Variants in EBF1 observed in about 807,000 individuals in gnomAD.
The protein encoded by EBF1 is transcription factor COE1.
EBF1 carries 10 observed loss-of-function variants against 68.4 expected under a neutral mutation model. That is an observed-to-expected ratio of 0.15 (90% CI 0.09 to 0.25). The LOEUF (loss-of-function observed/expected upper bound fraction) is 0.25, where lower values mean the gene tolerates loss of function less well. EBF1 is among the 10% of genes least tolerant of loss of function. EBF1 has a pLI of 1.00. For synonymous variants in EBF1, 298 were observed against 299.8 expected, an observed-to-expected ratio of 0.99 and a Z score of 0.06; for missense variants, 509 against 794.4, an observed-to-expected ratio of 0.64 and a Z score of 4.32.
chr5:159,064,548 T>G (rs959611566), intron 6 of EBF1, among the ~76,000 whole-genome samples: 5 of 152,254 alleles, frequency 3.3e-5, no homozygotes, highest in South Asian at 2.1e-4. Flanking sequence ...ACGCTGGAAG[T>G]GCCATTTAGG....
intron 9 of EBF1, among the ~76,000 whole-genome samples, chr5:158,794,510 A>C (rs1015516013): frequency 1.3e-5 from 2 of 152,166 alleles, no homozygotes; most frequent in African/African-American, 4.8e-5. Flanking sequence ...TCCTTATTCC[A>C]TATTCAATGG....
At chr5:158,919,856 A>G (rs1217513109) in intron 6 of EBF1, among the ~76,000 whole-genome samples, 1 of 152,242 alleles carries the variant, frequency 6.6e-6, no homozygotes, top group Admixed American at 6.5e-5. Flanking sequence ...ATCAAGATTA[A>G]GCAACTTTCC....
intron 6 of EBF1, among the ~76,000 whole-genome samples, chr5:158,915,829 T>C (rs1807079839): frequency 6.6e-6 from 1 of 152,140 alleles, no homozygotes; most frequent in Non-Finnish European, 1.5e-5. Context: ...TAGAAACGGA[T>C]GACAAAACTC....
chr5:158,705,642 A>G (rs1399777423), intron 15 of EBF1, among the ~76,000 whole-genome samples: 1 of 152,242 alleles, frequency 6.6e-6, no homozygotes, highest in African/African-American at 2.4e-5. Flanking sequence ...TTAAACAGGC[A>G]CATACCCTCA....
At chr5:158,739,482 T>C (rs1765857049) in intron 10 of EBF1, among the ~76,000 whole-genome samples, 1 of 152,184 alleles carries the variant, frequency 6.6e-6, no homozygotes, top group Non-Finnish European at 1.5e-5. Context: ...CAAACAGAAG[T>C]TGAATGTACA....
At chr5:158,970,465 C>T (rs184618692) in intron 6 of EBF1, among the ~76,000 whole-genome samples, 1 of 152,234 alleles carries the variant, frequency 6.6e-6, no homozygotes, top group East Asian at 1.9e-4. Flanking sequence ...AGTTTGTTTA[C>T]AGGAAAAGGA....
intron 6 of EBF1, among the ~76,000 whole-genome samples, chr5:159,030,778 G>A (rs566648462): frequency 6.6e-6 from 1 of 152,298 alleles, no homozygotes; most frequent in Admixed American, 6.5e-5. Flanking sequence ...AAGCAAGAGG[G>A]TTCCAATGAA....
In EBF1 at chr5:158,844,323, A is replaced by G. The variant is rs78104246; in HGVS notation, c.555-4213T>C. 8.6e-3 allele frequency among the ~76,000 whole-genome samples: 1,306 copies of G among 152,088 alleles called. 25 individuals carry two copies. Among genetic ancestry groups the G allele is most frequent in the African/African-American group, 0.03 (1,240 of 41,466 alleles). ...ATTATTCAGAGCACTTATATTCCCA[A>G]TATCTCACTAAATCCTCACGGAATT... is the stretch of plus-strand genomic sequence containing the variant. On this transcript the variant is annotated intron_variant, in intron 6 of 15. Coordinates refer to ENST00000313708, the MANE Select transcript of EBF1 (RefSeq NM_024007.5).
chr5:158,930,617 A>G lies in EBF1; in HGVS notation c.555-90507T>C, dbSNP rs376538536. The stretch of plus-strand genomic sequence containing the variant: ...TGGTTCCAGTCTCCCAAACACAAGT[A>G]TGGTTGTATGATGCATTTTAGGAAT... On this transcript the variant is annotated intron_variant, in intron 6 of 15. Transcript: ENST00000313708. Among the ~76,000 whole-genome samples, 280 of 152,358 alleles carry G rather than the reference A, an allele frequency of 1.8e-3. 1 individual carries two copies. Among genetic ancestry groups the G allele is most frequent in the African/African-American group, 6.6e-3 (274 of 41,584 alleles).
intron 6 of EBF1, among the ~76,000 whole-genome samples, chr5:158,917,289 C>G (rs991695014): frequency 6.6e-6 from 1 of 152,238 alleles, no homozygotes; most frequent in Non-Finnish European, 1.5e-5. Flanking sequence ...ACTCTCCAAG[C>G]CTCCAGTTCC....
intron 4 of EBF1, among the ~76,000 whole-genome samples, chr5:159,087,853 C>T (rs1780987693): frequency 6.6e-6 from 1 of 152,076 alleles, no homozygotes; most frequent in African/African-American, 2.4e-5. Flanking sequence ...AAAATGAAAC[C>T]ATCAGTTTGG....
In EBF1 at chr5:158,763,234, G is replaced by A. The variant is rs147371183; in HGVS notation, c.1036+14179C>T. Among the ~76,000 whole-genome samples, 302 of 152,252 alleles carry A rather than the reference G, an allele frequency of 2.0e-3. 2 individuals are homozygous for A. The highest frequency in any genetic ancestry group is 7.1e-3 in the African/African-American group (296 of 41,556). ...GAATTTCACCAAAAGTCTCCACTGGGCATTAAATTACAAGAGTGCAGCAGG... is the reference window on the plus strand; with the variant it reads ...GAATTTCACCAAAAGTCTCCACTGGACATTAAATTACAAGAGTGCAGCAGG... On this transcript the variant is annotated intron_variant, in intron 10 of 15. Transcript: ENST00000313708.
intron 6 of EBF1, among the ~76,000 whole-genome samples, chr5:158,976,169 G>A (rs1756706164): frequency 1.3e-5 from 2 of 152,278 alleles, no homozygotes; most frequent in Admixed American, 6.5e-5. Context: ...GCAAAGTAGT[G>A]ATTCATTGTG....
chr5:158,966,892 A>G (rs1022264574), intron 6 of EBF1, among the ~76,000 whole-genome samples: 3 of 152,230 alleles, frequency 2.0e-5, no homozygotes, highest in Non-Finnish European at 4.4e-5. Flanking sequence ...AGAAATCTCC[A>G]AAGAGAACAT....
At chr5:158,854,067 G>A (rs1470721036) in intron 6 of EBF1, among the ~76,000 whole-genome samples, 1 of 152,178 alleles carries the variant, frequency 6.6e-6, no homozygotes, top group African/African-American at 2.4e-5. Flanking sequence ...AAGAGAAGCT[G>A]GAAATGCATA....
intron 6 of EBF1, chr5:158,941,132 C>A (rs1238217456): frequency 4.4e-6 from 2 of 453,088 alleles, no homozygotes; most frequent in East Asian, 7.0e-5. Context: ...AAAAGATGAA[C>A]ATATGGCACG....
intron 10 of EBF1, among the ~76,000 whole-genome samples, chr5:158,748,369 C>T (rs1419900979): frequency 2.6e-5 from 4 of 152,112 alleles, no homozygotes; most frequent in African/African-American, 7.2e-5. Context: ...GAGGTAGCTC[C>T]GGATAACACG....
chr5:159,074,568 G>T (rs1402610707), intron 5 of EBF1, among the ~76,000 whole-genome samples: 1 of 152,114 alleles, frequency 6.6e-6, no homozygotes, highest in African/African-American at 2.4e-5. Flanking sequence ...AAATTTAGAG[G>T]GCTGCTGGAG....
chr5:158,826,362 C>A (rs1360175203), intron 7 of EBF1, among the ~76,000 whole-genome samples: 1 of 152,196 alleles, frequency 6.6e-6, no homozygotes, highest in Non-Finnish European at 1.5e-5. Context: ...ATTTTAGATT[C>A]CCTTTCTGAG....
Sources: gnomAD v4.1 joint callset for allele counts (sites outside exome capture counted in the v4.1 genomes callset) on GRCh38, gnomAD v4.1.1 for gene constraint, MANE v1.5 for transcripts, NCBI Gene and HGNC (gene_info 2026-07-23, HGNC 2026-07-21) for gene names.